The following SCN3A variants were observed in gnomAD, a reference collection of about 807,000 sequenced individuals.
The protein encoded by SCN3A is sodium channel protein type 3 subunit alpha.
SCN3A carries 60 observed loss-of-function variants against 187.6 expected under a neutral mutation model. That is an observed-to-expected ratio of 0.32 (90% CI 0.26 to 0.40). The LOEUF is 0.40. Among genes scored for constraint, SCN3A ranks in the 10% least tolerant of loss-of-function variants. The pLI, the probability that SCN3A is intolerant of heterozygous loss-of-function variation, is 1.00. For missense variants in SCN3A, 1,601 were observed against 2,428.2 expected (o/e 0.66, Z 7.16); for synonymous variants, 788 against 829.2 (o/e 0.95, Z 0.85).
intron 11 of SCN3A, among the ~76,000 whole-genome samples, chr2:165,149,347 G>A (rs939461546): frequency 6.6e-6 from 1 of 151,852 alleles, no homozygotes; most frequent in Non-Finnish European, 1.5e-5. Context: ...GCTAATTTTT[G>A]TATTTTTAGT....
At chr2:165,129,431 T>C (rs1687183005) in intron 17 of SCN3A, among the ~76,000 whole-genome samples, 2 of 152,212 alleles carry the variant, frequency 1.3e-5, no homozygotes, top group African/African-American at 4.8e-5. Context: ...TTACAATGCA[T>C]AGCTAAAATA....
At chr2:165,197,133 A>G (rs1272726179) in intron 1 of SCN3A, among the ~76,000 whole-genome samples, 1 of 152,136 alleles carries the variant, frequency 6.6e-6, no homozygotes, top group Non-Finnish European at 1.5e-5. Context: ...AATAAATGCC[A>G]GTGTGTTCAA....
intron 17 of SCN3A, among the ~76,000 whole-genome samples, chr2:165,128,432 AG>A (rs1335735490): frequency 2.0e-5 from 3 of 151,734 alleles, no homozygotes; most frequent in African/African-American, 7.3e-5. Flanking sequence ...CCAACGAGAG[AG>A]AGAGAGAGAG....
intron 15 of SCN3A, among the ~76,000 whole-genome samples, chr2:165,131,793 T>G (rs1687342415): frequency 7.6e-6 from 1 of 131,954 alleles, no homozygotes; most frequent in Non-Finnish European, 1.6e-5. Flanking sequence ...GATGTTCCCC[T>G]TCCTGTGTCC....
In SCN3A at chr2:165,101,859, C is replaced by T. The variant is rs189603973; in HGVS notation, c.3844-1435G>A. On this transcript the variant is annotated intron_variant, in intron 21 of 27. Coordinates refer to ENST00000283254, the MANE Select transcript of SCN3A (RefSeq NM_006922.4). ...ACCTAGGCTTTAACAACATATGAAG[C>T]CACTGTCCTCTCATTGTTTAATTTA... 3.3e-3 allele frequency among the ~76,000 whole-genome samples: 495 copies of T among 152,248 alleles called. 1 individual carries two copies. Among genetic ancestry groups the T allele is most frequent in the Middle Eastern group, 6.8e-3 (2 of 294 alleles).
rs1687761321 is a variant in SCN3A at position 165,137,873 on chromosome 2, A to G, written c.2391+6T>C. The stretch of plus-strand genomic sequence containing the variant: ...AAGTAAATAAGTAAACTTCAAATGT[A>G]CTTACCAGGTTTCCTACAGTCAACA... On this transcript the variant is annotated splice_donor_region_variant and intron_variant, in intron 15 of 27. Transcript: ENST00000283254. 1 of 1,587,300 alleles carries G rather than the reference A, an allele frequency of 6.3e-7. No individual in the cohort carries two copies. The highest frequency in any genetic ancestry group is 1.7e-5 in the Admixed American group (1 of 59,942).
chr2:165,126,732 C>T (rs1384811691), intron 18 of SCN3A, among the ~76,000 whole-genome samples: 1 of 150,998 alleles, frequency 6.6e-6, no homozygotes, highest in Non-Finnish European at 1.5e-5. Flanking sequence ...TATTAACCTA[C>T]AAAATAACTA....
intron 21 of SCN3A, among the ~76,000 whole-genome samples, chr2:165,105,291 G>T (rs1219293144): frequency 6.6e-6 from 1 of 152,142 alleles, no homozygotes; most frequent in African/African-American, 2.4e-5. Flanking sequence ...CTACATTGTT[G>T]TTGGGTTTCC....
chr2:165,199,274 GCA>G (rs1269018509), intron 1 of SCN3A, among the ~76,000 whole-genome samples: 3 of 151,866 alleles, frequency 2.0e-5, no homozygotes, highest in Admixed American at 2.0e-4. Context: ...CTTTGCTCCA[GCA>G]CAGAGTTTAA....
chr2:165,190,454 T>G (rs1412423542), intron 1 of SCN3A, among the ~76,000 whole-genome samples: 1 of 150,458 alleles, frequency 6.6e-6, no homozygotes, highest in East Asian at 1.9e-4. Flanking sequence ...CACATACATT[T>G]TCTCCATTTT....
Position 165,185,891 on chromosome 2 carries a change from TAAATATAATAA to T in SCN3A, c.-51+649_-51+659del, listed in dbSNP as rs1691196808. On this transcript the variant is annotated intron_variant, in intron 2 of 27. Coordinates refer to ENST00000283254, the MANE Select transcript of SCN3A (RefSeq NM_006922.4). ...GTGAGCCATAGATCCAATTACCAAATAAATATAATAAAATTTAAAGTAAATACAGTCCAGGG... is the reference window on the plus strand; with the variant it reads ...GTGAGCCATAGATCCAATTACCAAATAATTTAAAGTAAATACAGTCCAGGG... Among the ~76,000 whole-genome samples the T allele has an allele frequency of 1.7e-4, 26 of 152,218 alleles. 1 individual carries two copies. The highest frequency in any genetic ancestry group is 1.7e-3 in the Admixed American group (26 of 15,284).
intron 21 of SCN3A, among the ~76,000 whole-genome samples, chr2:165,111,170 A>G (rs750686166): frequency 9.5e-4 from 144 of 152,214 alleles, no homozygotes; most frequent in Non-Finnish European, 1.5e-3. Flanking sequence ...CCCTGTCTCT[A>G]CTAAAAATAC....
intron 11 of SCN3A, 56 bp from the exon 12 acceptor site, chr2:165,147,085 A>C: frequency 6.3e-7 from 1 of 1,599,134 alleles, no homozygotes; most frequent in Non-Finnish European, 8.5e-7. Flanking sequence ...AAAACAGTTG[A>C]GTATGGTTAA....
intron 11 of SCN3A, among the ~76,000 whole-genome samples, chr2:165,150,326 G>C (rs1402309247): frequency 6.6e-6 from 1 of 152,102 alleles, no homozygotes; most frequent in Non-Finnish European, 1.5e-5. Context: ...TTGAAGAGTC[G>C]TAGGTGGTTA....
intron 18 of SCN3A, among the ~76,000 whole-genome samples, chr2:165,127,232 T>A (rs949944638): frequency 2.7e-5 from 4 of 146,818 alleles, no homozygotes; most frequent in Non-Finnish European, 6.1e-5. Flanking sequence ...TGAATTTTCG[T>A]ATTTTTTTTT....
chr2:165,171,174 T>C (rs16850208), intron 3 of SCN3A, among the ~76,000 whole-genome samples: 34,108 of 151,836 alleles, frequency 0.22, 5,034 homozygotes, highest in East Asian at 0.52. Context: ...ATCCACTTAG[T>C]ATTAGCTATG....
At chr2:165,136,155 G>A (rs1003163236) in intron 15 of SCN3A, among the ~76,000 whole-genome samples, 1 of 152,112 alleles carries the variant, frequency 6.6e-6, no homozygotes, top group Non-Finnish European at 1.5e-5. Flanking sequence ...TAGATTTGAT[G>A]CTTTTGTCTA....
intron 9 of SCN3A, among the ~76,000 whole-genome samples, 185 bp from the exon 10 acceptor site, chr2:165,156,088 C>T (rs1418404487): frequency 6.6e-6 from 1 of 151,658 alleles, no homozygotes; most frequent in Non-Finnish European, 1.5e-5. Context: ...CTAGGAAGAC[C>T]GATAGAAAAT....
rs1481214368 is a variant in SCN3A at position 165,155,916 on chromosome 2, G to A, written c.1032-13C>T. On this transcript the variant is annotated splice_polypyrimidine_tract_variant and intron_variant, in intron 9 of 27. Coordinates refer to ENST00000283254, the MANE Select transcript of SCN3A (RefSeq NM_006922.4). ...TTCTGGACACTGGCTATAAGAGAGA[G>A]AAATGGAGGTAGGGTCAGTTTAGAA... is the stretch of plus-strand genomic sequence containing the variant. 2 of 1,614,016 alleles carry A rather than the reference G, an allele frequency of 1.2e-6. No individual in the cohort carries two copies. The highest frequency in any genetic ancestry group is 1.7e-6 in the Non-Finnish European group (2 of 1,179,972).
Sources: allele counts gnomAD v4.1 joint callset (sites outside exome capture counted in the v4.1 genomes callset), GRCh38; gene constraint gnomAD v4.1.1; transcripts MANE v1.5; gene names NCBI Gene and HGNC (gene_info 2026-07-23, HGNC 2026-07-21).